The following ADRA1B variants were observed in gnomAD, a reference collection of about 807,000 sequenced individuals.
ADRA1B encodes the protein alpha-1B adrenergic receptor.
A neutral mutation model predicts 17.9 loss-of-function variants in ADRA1B; 17 were observed. The observed-to-expected ratio is 0.95, with a 90% CI of 0.65 to 1.42. The LOEUF (loss-of-function observed/expected upper bound fraction) is 1.42, where lower values mean the gene tolerates loss of function less well. Ranked by LOEUF, ADRA1B falls within the 40% of genes most tolerant of loss-of-function variation. The pLI is 0.00. For synonymous variants in ADRA1B, 366 were observed against 327.6 expected (o/e 1.12, Z -1.27); for missense variants, 681 against 722.1 (o/e 0.94, Z 0.65).
intron 1 of ADRA1B, among the ~76,000 whole-genome samples, chr5:159,922,288 T>C (rs536983292): frequency 6.6e-6 from 1 of 152,332 alleles, no homozygotes; most frequent in South Asian, 2.1e-4. Context: ...TTTTTATGGA[T>C]GAATATACTG....
chr5:159,977,426 C>T (rs145583619), downstream of ADRA1B, among the ~76,000 whole-genome samples: 964 of 152,214 alleles, frequency 6.3e-3, 7 homozygotes, highest in Non-Finnish European at 9.3e-3. Context: ...CACTGGAGTC[C>T]TCACTTGGTG....
At chr5:159,974,381 T>A (rs775989806), downstream of ADRA1B, among the ~76,000 whole-genome samples, 1 of 152,170 alleles carries the variant, frequency 6.6e-6, no homozygotes, top group East Asian at 1.9e-4. Context: ...CACGCCTGTA[T>A]CCCAGCACTT....
chr5:159,882,187 T>C (rs1004364215), intron 1 of ADRA1B, among the ~76,000 whole-genome samples: 1 of 152,148 alleles, frequency 6.6e-6, no homozygotes, highest in Non-Finnish European at 1.5e-5. Flanking sequence ...AATAAATTAA[T>C]AGACTCGTAG....
chr5:159,939,852 G>A (rs539626001), intron 1 of ADRA1B, among the ~76,000 whole-genome samples: 1 of 152,272 alleles, frequency 6.6e-6, no homozygotes, highest in South Asian at 2.1e-4. Context: ...CCTGTGCACT[G>A]TGAGTTCCTC....
the ADRA1B span, among the ~76,000 whole-genome samples, chr5:159,985,814 C>A: frequency 1.3e-5 from 2 of 152,178 alleles, no homozygotes; most frequent in African/African-American, 2.4e-5. Context: ...TCCTGCATTG[C>A]GAAGAGGAGC....
chr5:159,953,049 G>A (rs1323146931), intron 1 of ADRA1B, among the ~76,000 whole-genome samples: 1 of 152,142 alleles, frequency 6.6e-6, no homozygotes, highest in Non-Finnish European at 1.5e-5. Context: ...CACTTTTATA[G>A]GAACGTTCTT....
At chr5:159,949,050 C>G (rs1364235574) in intron 1 of ADRA1B, among the ~76,000 whole-genome samples, 1 of 152,208 alleles carries the variant, frequency 6.6e-6, no homozygotes, top group African/African-American at 2.4e-5. Context: ...GTCAGCCTGA[C>G]TGCAGAGCTA....
intron 1 of ADRA1B, chr5:159,868,588 A>T (rs1216151622): frequency 1.3e-5 from 2 of 152,222 alleles, no homozygotes; most frequent in Non-Finnish European, 2.9e-5. Context: ...TTCAGAAACG[A>T]TTTGGTGGAT....
chr5:159,986,094 T>G, the ADRA1B span, among the ~76,000 whole-genome samples: 1 of 152,132 alleles, frequency 6.6e-6, no homozygotes, highest in Non-Finnish European at 1.5e-5. Flanking sequence ...GTTTCACAGG[T>G]GAGGACTAAT....
At chr5:159,943,903 CTG>C (rs1445917572) in intron 1 of ADRA1B, among the ~76,000 whole-genome samples, 2 of 145,488 alleles carry the variant, frequency 1.4e-5, no homozygotes, top group Admixed American at 7.0e-5. Context: ...CTCTCTCTCT[CTG>C]TCTCTCTCAC....
intron 1 of ADRA1B, chr5:159,948,581 A>G (rs1755340830): frequency 2.0e-6 from 1 of 511,374 alleles, no homozygotes; most frequent in Admixed American, 6.4e-5. Flanking sequence ...CACCCCTTAA[A>G]CATAACCACT....
chr5:159,933,181 C>T (rs540856194), intron 1 of ADRA1B, among the ~76,000 whole-genome samples: 29 of 152,340 alleles, frequency 1.9e-4, no homozygotes, highest in Non-Finnish European at 3.7e-4. Flanking sequence ...TGAGGTTAAG[C>T]ATCTTTTCAT....
At chr5:159,976,641 C>A, downstream of ADRA1B, among the ~76,000 whole-genome samples, 1 of 146,032 alleles carries the variant, frequency 6.8e-6, no homozygotes. Context: ...CGAGTTATCT[C>A]ACTGTCTCAA....
intron 1 of ADRA1B, among the ~76,000 whole-genome samples, chr5:159,933,269 C>T (rs927747238): frequency 2.6e-5 from 4 of 152,198 alleles, no homozygotes; most frequent in Non-Finnish European, 4.4e-5. Context: ...CTGTTACACA[C>T]ATTCTTTTCC....
chr5:159,867,014 C>A (rs1753663286), intron 1 of ADRA1B: 1 of 152,210 alleles, frequency 6.6e-6, no homozygotes, highest in African/African-American at 2.4e-5. Flanking sequence ...TTCTCCCCAG[C>A]AGCCTTGAAG....
chr5:159,947,663 C>G (rs574058841), intron 1 of ADRA1B: 3 of 973,554 alleles, frequency 3.1e-6, no homozygotes, highest in African/African-American at 3.5e-5. Context: ...AAATGGGGGA[C>G]CTGGCTATGA....
chr5:159,931,152 G>A (rs1431645352), intron 1 of ADRA1B, among the ~76,000 whole-genome samples: 1 of 151,374 alleles, frequency 6.6e-6, no homozygotes, highest in African/African-American at 2.4e-5. Flanking sequence ...CAATTTGAGA[G>A]GCTGAAGCAG....
intron 1 of ADRA1B, among the ~76,000 whole-genome samples, chr5:159,925,749 C>T (rs1561594969): frequency 3.3e-5 from 5 of 152,228 alleles, no homozygotes; most frequent in Admixed American, 1.3e-4. Context: ...TGTCTTAACT[C>T]AACTCTTAGC....
At chr5:159,980,510 C>A in the ADRA1B span, among the ~76,000 whole-genome samples, 1 of 152,150 alleles carries the variant, frequency 6.6e-6, no homozygotes, top group African/African-American at 2.4e-5. Context: ...GTAGTACAGC[C>A]TGGTCATTAG....
Sources: allele counts gnomAD v4.1 joint callset (sites outside exome capture counted in the v4.1 genomes callset), GRCh38; gene constraint gnomAD v4.1.1; transcripts MANE v1.5; gene names NCBI Gene and HGNC (gene_info 2026-07-23, HGNC 2026-07-21).